Variants in IPO11 observed in about 807,000 individuals in gnomAD.
IPO11 encodes the protein importin-11.
IPO11 carries 66 observed loss-of-function variants against 143.2 expected under a neutral mutation model. The ratio of observed to expected loss-of-function variants is 0.46; its 90% CI spans 0.38 to 0.57. The LOEUF (loss-of-function observed/expected upper bound fraction) is 0.57, where lower values mean the gene tolerates loss of function less well. Among genes scored for constraint, IPO11 ranks in the 20% least tolerant of loss-of-function variants. The pLI, the probability that IPO11 is intolerant of heterozygous loss-of-function variation, is 0.00. For synonymous variants in IPO11, 385 were observed against 377.8 expected, an observed-to-expected ratio of 1.02 and a Z score of -0.22; for missense variants, 1,026 against 1,141.0, an observed-to-expected ratio of 0.90 and a Z score of 1.45.
At position 62,597,234 on chromosome 5, in the gene IPO11, A is replaced by G. The variant is rs1745261890; in HGVS notation, c.2679-4530A>G. ...TGGCATCAGGATATAAAACTTAGCT[A>G]TATGCTTTCTAATTACCAGGATAAA... On this transcript the variant is annotated intron_variant, in intron 28 of 29. Transcript: ENST00000325324. Among the ~76,000 whole-genome samples the G allele has an allele frequency of 2.0e-5, 3 of 152,190 alleles. No homozygotes were observed. The South Asian group carries it at 6.2e-4, about 32-fold the overall frequency.
At chr5:62,624,090 A>C (rs1237252751) in intron 29 of IPO11, among the ~76,000 whole-genome samples, 9 of 151,856 alleles carry the variant, frequency 5.9e-5, no homozygotes, top group Non-Finnish European at 1.3e-4. Flanking sequence ...GCTGGAGTGC[A>C]ATGGCATGAT....
At chr5:62,604,639 TG>T (rs1202576807) in intron 29 of IPO11, among the ~76,000 whole-genome samples, 1 of 152,356 alleles carries the variant, frequency 6.6e-6, no homozygotes, top group East Asian at 1.9e-4. Flanking sequence ...TATGTAGTAT[TG>T]GTTTATAAAA....
chr5:62,508,153 G>A (rs538635055), intron 19 of IPO11, among the ~76,000 whole-genome samples: 70 of 152,114 alleles, frequency 4.6e-4, no homozygotes, highest in Admixed American at 2.0e-3. Context: ...TTGAGATGAA[G>A]TCTTGCTCTC....
chr5:62,470,816 C>CT (rs70981015), intron 7 of IPO11, among the ~76,000 whole-genome samples: 1,483 of 62,524 alleles, frequency 0.024, 325 homozygotes, highest in South Asian at 0.03. Context: ...TAGCCATCTT[C>CT]TTTTTTTTTT....
chr5:62,595,986 C>T (rs1329311970), intron 28 of IPO11, among the ~76,000 whole-genome samples: 2 of 151,342 alleles, frequency 1.3e-5, no homozygotes, highest in African/African-American at 2.4e-5. Context: ...TGGCCCGGCG[C>T]GGTGGCTCAT....
rs185861153 is a variant in IPO11 at position 62,452,232 on chromosome 5, G to A, written c.516+299G>A. 1.2e-3 allele frequency among the ~76,000 whole-genome samples: 171 copies of A among 146,452 alleles called. 6 individuals are homozygous for A. Among genetic ancestry groups the A allele is most frequent in the African/African-American group, 4.3e-3 (156 of 36,014 alleles). On this transcript the variant is annotated intron_variant, in intron 5 of 29. Coordinates refer to ENST00000325324, the MANE Select transcript of IPO11 (RefSeq NM_016338.5). The stretch of plus-strand genomic sequence containing the variant: ...TGCACTCCAGCCTGGGCGACAGGGC[G>A]AGACTCCGTCTCAAAAAAAATAAAA...
At chr5:62,607,232 C>T (rs756172803) in intron 29 of IPO11, among the ~76,000 whole-genome samples, 2 of 152,108 alleles carry the variant, frequency 1.3e-5, no homozygotes, top group African/African-American at 4.8e-5. Flanking sequence ...TTTCTTTAGA[C>T]TTGTACTTGT....
intron 16 of IPO11, among the ~76,000 whole-genome samples, chr5:62,496,210 C>T (rs1176953691): frequency 1.3e-5 from 2 of 151,882 alleles, no homozygotes; most frequent in South Asian, 4.2e-4. Flanking sequence ...ATCGCTTGAA[C>T]CTGGGAGGCA....
Position 62,449,880 on chromosome 5 carries a change from A to T in IPO11, c.240-47A>T, listed in dbSNP as rs200330403. On this transcript the variant is annotated intron_variant, in intron 3 of 29. Coordinates refer to ENST00000325324, the MANE Select transcript of IPO11 (RefSeq NM_016338.5). Reference sequence around the variant, plus strand: ...ACAGTAATGCTTACCTACATTTATTATTAGGTGGCATTCTTTTGCATAATC... The same window carrying T: ...ACAGTAATGCTTACCTACATTTATTTTTAGGTGGCATTCTTTTGCATAATC... 1.2e-4 allele frequency: 143 copies of T among 1,182,618 alleles called. No individual in the cohort carries two copies. The Middle Eastern group carries it at 2.2e-3, about 18-fold the overall frequency. 73.3% of individuals were successfully genotyped at this position (1,182,618 alleles called of 1,614,324 possible).
chr5:62,417,099 T>A (rs1409007199), intron 1 of IPO11, among the ~76,000 whole-genome samples: 1 of 150,546 alleles, frequency 6.6e-6, no homozygotes, highest in Non-Finnish European at 1.5e-5. Context: ...TCTTCAGCTT[T>A]ATCTATAATT....
Position 62,464,817 on chromosome 5 carries a change from G to A in IPO11, c.517-2314G>A, listed in dbSNP as rs182205861. Among the ~76,000 whole-genome samples the A allele has an allele frequency of 3.8e-4, 58 of 152,138 alleles. 1 individual carries two copies. Among genetic ancestry groups the A allele is most frequent in the African/African-American group, 1.3e-3 (56 of 41,516 alleles). ...AGTTCAAGTGACTTCAGATAATGGC[G>A]ACACAAAAAATTTCAATATAAAGTC... On this transcript the variant is annotated intron_variant, in intron 5 of 29. Coordinates refer to ENST00000325324, the MANE Select transcript of IPO11 (RefSeq NM_016338.5).
chr5:62,593,996 G>T (rs1177951313), intron 28 of IPO11, among the ~76,000 whole-genome samples: 1 of 152,122 alleles, frequency 6.6e-6, no homozygotes, highest in Non-Finnish European at 1.5e-5. Context: ...TAGCTAACTT[G>T]GCTTTCAACT....
In IPO11 at chr5:62,419,268, A is replaced by C. The variant is rs772937773; in HGVS notation, c.-7+6339A>C. 2.5e-4 allele frequency: 208 copies of C among 829,982 alleles called. 1 individual carries two copies. Among genetic ancestry groups the C allele is most frequent in the Non-Finnish European group, 3.2e-4 (182 of 574,706 alleles). 51.4% of individuals were successfully genotyped at this position (829,982 alleles called of 1,614,324 possible). ...GACTGGAAATTGGTTTGGATGAATC[A>C]GTGAGTGAGTGGTGAGTGAAAGTGA... is the stretch of plus-strand genomic sequence containing the variant. On this transcript the variant is annotated intron_variant, in intron 1 of 29. Coordinates refer to ENST00000325324, the MANE Select transcript of IPO11 (RefSeq NM_016338.5).
intron 22 of IPO11, 90 bp from the exon 23 acceptor site, chr5:62,536,612 A>T: frequency 7.0e-7 from 1 of 1,423,690 alleles, no homozygotes; most frequent in South Asian, 1.4e-5. Flanking sequence ...TATGCAAATT[A>T]GTTTTAAATA....
chr5:62,443,771 A>G (rs1744600492), intron 3 of IPO11, among the ~76,000 whole-genome samples: 2 of 152,172 alleles, frequency 1.3e-5, no homozygotes, highest in Admixed American at 1.3e-4. Flanking sequence ...GTATTCAGTT[A>G]TAACTGCTAT....
At chr5:62,546,942 C>A (rs767791026) in intron 24 of IPO11, among the ~76,000 whole-genome samples, 1 of 152,026 alleles carries the variant, frequency 6.6e-6, no homozygotes, top group Admixed American at 6.6e-5. Flanking sequence ...GAAACTAGAT[C>A]TGTCAGGATG....
At position 62,467,158 on chromosome 5, in the gene IPO11, T is replaced by A; in HGVS notation, c.544T>A (p.Cys182Ser). The A allele has an allele frequency of 6.2e-7, 1 of 1,609,512 alleles. No homozygotes were observed. Among genetic ancestry groups the A allele is most frequent in the Non-Finnish European group, 8.5e-7 (1 of 1,178,994 alleles). The change falls in exon 6 of 30, where the codon TGC (cysteine) becomes AGC (serine). Residue 182 changes from cysteine (C) to serine (S), a missense_variant. Transcript: ENST00000325324. ...DLASGIYNFACSLWNHHTDTF... is the reference protein window; with the variant it reads ...DLASGIYNFASSLWNHHTDTF... ...AGCTTCTGGAATTTATAATTTTGCCTGCTCTCTGTGGAATCACCACACAGA... is the reference window on the plus strand; with the variant it reads ...AGCTTCTGGAATTTATAATTTTGCCAGCTCTCTGTGGAATCACCACACAGA...
At chr5:62,533,952 TA>T (rs745795199) in intron 22 of IPO11, among the ~76,000 whole-genome samples, 169 of 58,612 alleles carry the variant, frequency 2.9e-3, no homozygotes, top group East Asian at 4.7e-3. Flanking sequence ...GCTTTCTCTT[TA>T]AAAAAAAAAA....
At chr5:62,461,065 TAAAG>T (rs1252176821) in intron 5 of IPO11, among the ~76,000 whole-genome samples, 8 of 152,160 alleles carry the variant, frequency 5.3e-5, no homozygotes, top group Admixed American at 2.0e-4. Flanking sequence ...TGAAAGGTGT[TAAAG>T]AAAAACTTTT....
Sources: allele counts gnomAD v4.1 joint callset (sites outside exome capture counted in the v4.1 genomes callset), GRCh38; gene constraint gnomAD v4.1.1; transcripts MANE v1.5; gene names NCBI Gene and HGNC (gene_info 2026-07-23, HGNC 2026-07-21).